TUSC3: variants seen among roughly 807,000 people sequenced by gnomAD.
TUSC3 encodes the protein tumor suppressor candidate 3.
A neutral mutation model predicts 44.8 loss-of-function variants in TUSC3; 45 were observed. The observed-to-expected ratio is 1.00, with a 90% CI of 0.79 to 1.29. The LOEUF is 1.29. Ranked by LOEUF, TUSC3 falls within the 50% of genes most tolerant of loss-of-function variation. The pLI is 0.00. For missense variants in TUSC3, 519 were observed against 437.9 expected (o/e 1.19, Z -1.65); for synonymous variants, 212 against 152.9 (o/e 1.39, Z -2.85).
At chr8:15,450,365 A>T (rs2129120184) in intron 1 of TUSC3, among the ~76,000 whole-genome samples, 1 of 151,940 alleles carries the variant, frequency 6.6e-6, no homozygotes, top group East Asian at 2.0e-4. Flanking sequence ...TTTAGGGCTG[A>T]CTTTTCCCAC....
At chr8:15,772,810 T>G in the TUSC3 span, among the ~76,000 whole-genome samples, 17 of 152,230 alleles carry the variant, frequency 1.1e-4, 1 homozygote, top group South Asian at 3.5e-3. Flanking sequence ...CATGACCAAG[T>G]GGGAATTATT....
At chr8:15,435,619 T>C (rs1322748251) in intron 1 of TUSC3, among the ~76,000 whole-genome samples, 1 of 152,186 alleles carries the variant, frequency 6.6e-6, no homozygotes, top group Non-Finnish European at 1.5e-5. Flanking sequence ...GCCTAAAACA[T>C]ATGCAAGATT....
the TUSC3 span, among the ~76,000 whole-genome samples, chr8:15,840,099 C>T: frequency 0.019 from 2,957 of 152,140 alleles, 50 homozygotes; most frequent in Middle Eastern, 0.068. Flanking sequence ...AAGCTGGAAA[C>T]CATCATTCTC....
chr8:15,523,795 C>T (rs1190561303), intron 2 of TUSC3, among the ~76,000 whole-genome samples: 5 of 150,060 alleles, frequency 3.3e-5, no homozygotes, highest in East Asian at 2.0e-4. Flanking sequence ...CGGAGGCTTA[C>T]GCCTGTAATC....
At chr8:15,832,946 C>G in the TUSC3 span, among the ~76,000 whole-genome samples, 28,563 of 152,078 alleles carry the variant, frequency 0.19, 3,770 homozygotes, top group African/African-American at 0.37. Flanking sequence ...TAGATATCTA[C>G]AAACTCTCCA....
intron 7 of TUSC3, among the ~76,000 whole-genome samples, chr8:15,742,096 T>G (rs1392536983): frequency 6.6e-6 from 1 of 152,184 alleles, no homozygotes. Flanking sequence ...AAACAGTCAT[T>G]CTCTTAGAAT....
At position 15,614,056 on chromosome 8, in the gene TUSC3, C is replaced by A. The variant is rs6992932; in HGVS notation, c.139-9024C>A. Among the ~76,000 whole-genome samples, 868 of 150,116 alleles carry A rather than the reference C, an allele frequency of 5.8e-3. 8 individuals are homozygous for A. Among genetic ancestry groups the A allele is most frequent in the African/African-American group, 0.02 (834 of 40,916 alleles). The stretch of plus-strand genomic sequence containing the variant: ...CGGTGGGGGTCTGAGTTAAGAACTC[C>A]ATGAAGGATAGAAGAGAAAATTATT... On this transcript the variant is annotated intron_variant, in intron 1 of 10. Transcript: ENST00000503731.
At chr8:15,779,791 ACT>A in the TUSC3 span, among the ~76,000 whole-genome samples, 1 of 152,308 alleles carries the variant, frequency 6.6e-6, no homozygotes, top group African/African-American at 2.4e-5. Context: ...CCTAGAGGAA[ACT>A]CAACATCTAC....
chr8:15,848,068 T>C, the TUSC3 span, among the ~76,000 whole-genome samples: 1 of 152,188 alleles, frequency 6.6e-6, no homozygotes, highest in Non-Finnish European at 1.5e-5. Context: ...AGGAGGGTAC[T>C]GGATGCATCC....
rs3988422 is a variant in TUSC3 at position 15,692,138 on chromosome 8, A to G, written c.798+18302A>G. Among the ~76,000 whole-genome samples, 879 of 152,242 alleles carry G rather than the reference A, an allele frequency of 5.8e-3. 8 individuals are homozygous for G. The highest frequency in any genetic ancestry group is 0.02 in the African/African-American group (823 of 41,544). ...GTGCATCACATTTATTGATCTGTGT[A>G]TGTTGAACCAACATTGCATACCAGG... On this transcript the variant is annotated intron_variant, in intron 6 of 10. Coordinates refer to ENST00000503731, the MANE Select transcript of TUSC3 (RefSeq NM_006765.4).
intron 2 of TUSC3, among the ~76,000 whole-genome samples, chr8:15,493,370 C>A (rs749395585): frequency 6.6e-6 from 1 of 152,094 alleles, no homozygotes; most frequent in Non-Finnish European, 1.5e-5. Context: ...AAGTGATCCT[C>A]CTGCCACAGC....
intron 2 of TUSC3, among the ~76,000 whole-genome samples, chr8:15,628,491 T>A (rs1012709859): frequency 2.6e-5 from 4 of 152,218 alleles, no homozygotes; most frequent in African/African-American, 7.2e-5. Flanking sequence ...AAAAGAGTTT[T>A]GGATTTATAA....
chr8:15,814,387 G>C, the TUSC3 span, among the ~76,000 whole-genome samples: 1 of 152,184 alleles, frequency 6.6e-6, no homozygotes, highest in Admixed American at 6.5e-5. Context: ...TTGAATATGA[G>C]TCACTAATAG....
chr8:15,509,023 A>G (rs1801097633), intron 2 of TUSC3, among the ~76,000 whole-genome samples: 1 of 152,192 alleles, frequency 6.6e-6, no homozygotes, highest in African/African-American at 2.4e-5. Flanking sequence ...TCTTCAGCTC[A>G]GAATGAGAGG....
intron 6 of TUSC3, 69 bp downstream of exon 6, chr8:15,673,905 GT>G: frequency 7.5e-7 from 1 of 1,337,922 alleles, no homozygotes; most frequent in Non-Finnish European, 1.1e-6. Context: ...AAGAAATTAT[GT>G]TTAGTATTTA....
chr8:15,653,832 T>C (rs141042829), intron 3 of TUSC3, among the ~76,000 whole-genome samples: 2,361 of 152,324 alleles, frequency 0.015, 27 homozygotes, highest in Non-Finnish European at 0.024. Context: ...TGAATTGATG[T>C]TTTAAAGCAC....
At chr8:15,824,580 G>A in the TUSC3 span, among the ~76,000 whole-genome samples, 1 of 151,778 alleles carries the variant, frequency 6.6e-6, no homozygotes, top group Non-Finnish European at 1.5e-5. Context: ...GACACAGGAA[G>A]GGGAACATCA....
At chr8:15,484,969 A>G (rs1800715792) in intron 2 of TUSC3, among the ~76,000 whole-genome samples, 1 of 152,186 alleles carries the variant, frequency 6.6e-6, no homozygotes, top group South Asian at 2.1e-4. Flanking sequence ...TTTTCTTCTC[A>G]CAGTATGGCG....
chr8:15,526,227 G>T (rs1308846331), intron 2 of TUSC3, among the ~76,000 whole-genome samples: 2 of 152,220 alleles, frequency 1.3e-5, no homozygotes, highest in African/African-American at 2.4e-5. Flanking sequence ...TAGAGACGGG[G>T]TTTTATCATG....
Sources: allele counts gnomAD v4.1 joint callset (sites outside exome capture counted in the v4.1 genomes callset), GRCh38; gene constraint gnomAD v4.1.1; transcripts MANE v1.5; gene names NCBI Gene and HGNC (gene_info 2026-07-23, HGNC 2026-07-21).